Variants in LSMEM1 observed in about 807,000 individuals in gnomAD.
LSMEM1 encodes the protein leucine rich single-pass membrane protein 1.
A neutral mutation model predicts 11.3 loss-of-function variants in LSMEM1; 10 were observed. That is an observed-to-expected ratio of 0.89 (90% CI 0.55 to 1.50). The LOEUF (loss-of-function observed/expected upper bound fraction) is 1.50, where lower values mean the gene tolerates loss of function less well. LSMEM1 is among the 40% of genes most tolerant of loss of function. LSMEM1 has a pLI of 0.00. For synonymous variants in LSMEM1, 65 were observed against 59.3 expected (o/e 1.10, Z -0.44); for missense variants, 151 against 152.9 (o/e 0.99, Z 0.06).
chr7:112,487,927 G>T (rs1796166093), intron 3 of LSMEM1, among the ~76,000 whole-genome samples: 2 of 152,316 alleles, frequency 1.3e-5, no homozygotes, highest in South Asian at 4.1e-4. Flanking sequence ...TTTCACCCTT[G>T]AGTGCTTTGT....
intron 3 of LSMEM1, 82 bp from the exon 4 acceptor site, chr7:112,489,728 T>C: frequency 6.7e-7 from 1 of 1,488,086 alleles, no homozygotes; most frequent in African/African-American, 1.4e-5. Context: ...CAGCATCAGC[T>C]GAGCACCAAC....
At chr7:112,482,621 T>C (rs1796052460) in intron 1 of LSMEM1, among the ~76,000 whole-genome samples, 1 of 151,962 alleles carries the variant, frequency 6.6e-6, no homozygotes, top group Admixed American at 6.6e-5. Flanking sequence ...TATAAATGGA[T>C]GATAAAATAT....
In LSMEM1 at chr7:112,484,793, C is replaced by T. The variant is rs1563279002; in HGVS notation, c.-5-19C>T. 1.2e-6 allele frequency: 2 copies of T among 1,608,570 alleles called. No individual in the cohort carries two copies. Among genetic ancestry groups the T allele is most frequent in the South Asian group, 2.2e-5 (2 of 90,362 alleles). On this transcript the variant is annotated intron_variant, in intron 1 of 3. Coordinates refer to ENST00000312849, the MANE Select transcript of LSMEM1 (RefSeq NM_182597.3). ...CACAAGCCCAACCTCTTGTTTTTAACATCAGTGTTTTCTTCCAGGGACAAT... is the reference window on the plus strand; with the variant it reads ...CACAAGCCCAACCTCTTGTTTTTAATATCAGTGTTTTCTTCCAGGGACAAT...
chr7:112,488,380 G>T lies in LSMEM1; in HGVS notation c.256+1329G>T, dbSNP rs113902861. Among the ~76,000 whole-genome samples the T allele has an allele frequency of 2.6e-3, 391 of 152,200 alleles. 2 individuals carry two copies. Among genetic ancestry groups the T allele is most frequent in the African/African-American group, 8.6e-3 (356 of 41,524 alleles). On this transcript the variant is annotated intron_variant, in intron 3 of 3. Transcript: ENST00000312849. The stretch of plus-strand genomic sequence containing the variant: ...GCCACACCCGCCTGGGGGTAATGAC[G>T]GAGTTAAACTATTAGGAAATTTTAG...
rs1228976367 is a variant in LSMEM1 at position 112,486,978 on chromosome 7, T to C, written c.183T>C (p.Ser61=). ...CAAACTCAGGAAATGGAAGCCGGAGTCTGTTTTTTGTGGGGCTGCTAATTG... is the reference window on the plus strand; with the variant it reads ...CAAACTCAGGAAATGGAAGCCGGAGCCTGTTTTTTGTGGGGCTGCTAATTG... ...LGTNSGNGSR[S]LFFVGLLIVL... is the part of the protein sequence containing the mutation. The change falls in exon 3 of 4, where the codon AGT becomes AGC. Residue 61 remains serine (S), a synonymous_variant. Transcript: ENST00000312849. 5 of 1,613,990 alleles carry C rather than the reference T, an allele frequency of 3.1e-6. No homozygotes were observed. Among genetic ancestry groups the C allele is most frequent in the Non-Finnish European group, 4.2e-6 (5 of 1,179,976 alleles).
chr7:112,485,032 G>A, intron 2 of LSMEM1, 89 bp downstream of exon 2: 1 of 1,376,212 alleles, frequency 7.3e-7, no homozygotes, highest in Non-Finnish European at 9.8e-7. Context: ...TGGGTGTGGT[G>A]GAGGGGGAGG....
chr7:112,484,958 G>T lies in LSMEM1; in HGVS notation c.127+15G>T, dbSNP rs540022698. The T allele has an allele frequency of 6.3e-6, 10 of 1,592,082 alleles. No homozygotes were observed. The highest frequency in any genetic ancestry group is 7.7e-6 in the Non-Finnish European group (9 of 1,167,156). ...GCATCTGTTCCGTATGTGTGCTGGG[G>T]AAGGCACAGCAGCCCTTCCTAGCTT... On this transcript the variant is annotated intron_variant, in intron 2 of 3. Transcript: ENST00000312849.
intron 3 of LSMEM1, among the ~76,000 whole-genome samples, chr7:112,487,417 G>A (rs761063533): frequency 2.0e-5 from 3 of 152,142 alleles, no homozygotes; most frequent in Admixed American, 6.5e-5. Flanking sequence ...CTATAACATC[G>A]AAACATTGAG....
chr7:112,484,398 A>G (rs1339730614), intron 1 of LSMEM1, among the ~76,000 whole-genome samples: 1 of 152,232 alleles, frequency 6.6e-6, no homozygotes. Context: ...CTTCTTGCAC[A>G]AAGGATTTGA....
upstream of LSMEM1, chr7:112,480,807 T>TAA: frequency 2.2e-6 from 1 of 456,252 alleles, no homozygotes; most frequent in African/African-American, 2.0e-5. Context: ...TATGATGTCA[T>TAA]AATCATATTC....
At chr7:112,482,049 G>T (rs1400042794) in intron 1 of LSMEM1, among the ~76,000 whole-genome samples, 1 of 152,200 alleles carries the variant, frequency 6.6e-6, no homozygotes, top group Non-Finnish European at 1.5e-5. Flanking sequence ...ATGTGATCTT[G>T]TATCCCTTTA....
At chr7:112,480,865 T>A, upstream of LSMEM1, 1 of 456,266 alleles carries the variant, frequency 2.2e-6, no homozygotes, top group South Asian at 1.5e-5. Flanking sequence ...TGTTTGCAAG[T>A]CAGTCATCAT....
upstream of LSMEM1, chr7:112,480,886 T>C: frequency 4.4e-6 from 2 of 456,240 alleles, no homozygotes; most frequent in Non-Finnish European, 8.8e-6. Context: ...AGTGGCAGCT[T>C]CCGCCTGCTA....
intron 1 of LSMEM1, among the ~76,000 whole-genome samples, chr7:112,483,779 C>T (rs886256995): frequency 6.6e-6 from 1 of 152,164 alleles, no homozygotes; most frequent in African/African-American, 2.4e-5. Flanking sequence ...TTTACCTCGC[C>T]GAGCTTCCAT....
intron 1 of LSMEM1, among the ~76,000 whole-genome samples, chr7:112,483,834 C>T (rs1244042233): frequency 6.6e-6 from 1 of 152,192 alleles, no homozygotes; most frequent in Non-Finnish European, 1.5e-5. Context: ...CATCTAACAC[C>T]CTTTCTAGAT....
intron 3 of LSMEM1, among the ~76,000 whole-genome samples, chr7:112,489,033 C>T (rs1298641547): frequency 1.3e-5 from 2 of 152,196 alleles, no homozygotes; most frequent in Non-Finnish European, 2.9e-5. Flanking sequence ...AGACTATGTA[C>T]TTTATCAACA....
rs1796219007 is a variant in LSMEM1 at position 112,490,645 on chromosome 7, G to A, written c.*696G>A. The A allele has an allele frequency of 6.6e-6, 1 of 152,232 alleles. No homozygotes were observed. The highest frequency in any genetic ancestry group is 2.1e-4 in the South Asian group (1 of 4,836). The allele number at this position is 152,232 out of a possible 1,614,324, so 9.4% of individuals were successfully genotyped here. A position where few individuals can be genotyped will look rare whatever the true frequency, so the allele number is the denominator to read the frequency against. Reference sequence around the variant, plus strand: ...AGCTCACATAAGAGTGCAGGATAAAGAAAGGAGATGGACAGTTATATGTAA... The same window carrying A: ...AGCTCACATAAGAGTGCAGGATAAAAAAAGGAGATGGACAGTTATATGTAA... On this transcript the variant is annotated 3_prime_UTR_variant, in exon 4 of 4. Coordinates refer to ENST00000312849, the MANE Select transcript of LSMEM1 (RefSeq NM_182597.3).
In LSMEM1 at chr7:112,490,291, C is replaced by T. The variant is rs577123709; in HGVS notation, c.*342C>T. On this transcript the variant is annotated 3_prime_UTR_variant, in exon 4 of 4. Transcript: ENST00000312849. ...TACAGAAGGAGCTTTGCTACCAGAA[C>T]AAGTTCACTGTGTCAATGAAGTTCA... The T allele has an allele frequency of 1.4e-5, 3 of 212,208 alleles. No individual in the cohort carries two copies. Among genetic ancestry groups the T allele is most frequent in the African/African-American group, 6.9e-5 (3 of 43,502 alleles). The allele number at this position is 212,208 out of a possible 1,614,324, so 13.1% of individuals were successfully genotyped here.
Position 112,484,967 on chromosome 7 carries a change from G to C in LSMEM1, c.127+24G>C, listed in dbSNP as rs199748260. The C allele has an allele frequency of 1.3e-5, 21 of 1,579,470 alleles. No individual in the cohort carries two copies. In the African/African-American group the frequency reaches 1.5e-4, roughly 11 times the overall value. On this transcript the variant is annotated intron_variant, in intron 2 of 3. Transcript: ENST00000312849. Reference sequence around the variant, plus strand: ...CCGTATGTGTGCTGGGGAAGGCACAGCAGCCCTTCCTAGCTTCTAGGCTAC... The same window carrying C: ...CCGTATGTGTGCTGGGGAAGGCACACCAGCCCTTCCTAGCTTCTAGGCTAC...
Sources: allele counts gnomAD v4.1 joint callset (sites outside exome capture counted in the v4.1 genomes callset), GRCh38; gene constraint gnomAD v4.1.1; transcripts MANE v1.5; gene names NCBI Gene and HGNC (gene_info 2026-07-23, HGNC 2026-07-21).